PCDHGB1: variants seen among roughly 807,000 people sequenced by gnomAD.
PCDHGB1 encodes the protein protocadherin gamma-B1.
PCDHGB1 carries 34 observed loss-of-function variants against 56.6 expected under a neutral mutation model. That is an observed-to-expected ratio of 0.60 (90% CI 0.46 to 0.80). The LOEUF is 0.80. PCDHGB1 is among the 30% of genes least tolerant of loss of function. The pLI is 0.00. For synonymous variants in PCDHGB1, 561 were observed against 505.9 expected (o/e 1.11, Z -1.46); for missense variants, 1,278 against 1,204.6 (o/e 1.06, Z -0.90).
chr5:141,376,241 C>T (rs755837851), intron 1 of PCDHGB1: 1 of 1,614,118 alleles, frequency 6.2e-7, no homozygotes, highest in East Asian at 2.2e-5. Flanking sequence ...GCAGCGCTGG[C>T]ACAAGTCACG....
intron 1 of PCDHGB1, chr5:141,370,427 AG>A (rs749504882): frequency 1.3e-4 from 212 of 1,590,086 alleles, no homozygotes; most frequent in Non-Finnish European, 1.7e-4. Flanking sequence ...GGGGCCCAGC[AG>A]GGCAGAGGCG....
In PCDHGB1 at chr5:141,489,327, G is replaced by A; in HGVS notation, c.2410-5480G>A. The A allele has an allele frequency of 6.2e-7, 1 of 1,603,940 alleles. No individual in the cohort carries two copies. Among genetic ancestry groups the A allele is most frequent in the South Asian group, 1.1e-5 (1 of 89,400 alleles). ...TGTGCTGCTGGGGCTGGGTGTCTGG[G>A]CAGCTTCGTTACTCAGTGGTGGAGG... is the stretch of plus-strand genomic sequence containing the variant. On this transcript the variant is annotated intron_variant, in intron 1 of 3. Transcript: ENST00000523390. This position sits in a 1 kb window ranked among gnomAD's most constrained non-coding sequence, Gnocchi z 4.5.
intron 1 of PCDHGB1, among the ~76,000 whole-genome samples, chr5:141,481,794 A>C (rs1433830305): frequency 6.6e-6 from 1 of 152,136 alleles, no homozygotes; most frequent in East Asian, 1.9e-4. Context: ...TCTACTAAAA[A>C]TACAAAAATT....
At chr5:141,452,460 G>A (rs750887712) in intron 1 of PCDHGB1, among the ~76,000 whole-genome samples, 1 of 152,140 alleles carries the variant, frequency 6.6e-6, no homozygotes, top group Non-Finnish European at 1.5e-5. Flanking sequence ...GTCAGCAGAC[G>A]GAGCTAGGAA....
Position 141,487,418 on chromosome 5 carries a change from A to T in PCDHGB1, c.2410-7389A>T. ...GGAGGGGCTTCCCCCTTCCAATGGG[A>T]TCCTCCGAATCCAGCTAGGGTCAGA... On this transcript the variant is annotated intron_variant, in intron 1 of 3. Transcript: ENST00000523390. The surrounding 1 kb of genome is among the most constrained non-coding windows in gnomAD (Gnocchi z 5.0). The T allele has an allele frequency of 6.2e-7, 1 of 1,614,060 alleles. No homozygotes were observed. The highest frequency in any genetic ancestry group is 8.5e-7 in the Non-Finnish European group (1 of 1,179,998).
chr5:141,510,032 T>C (rs1410346284), intron 3 of PCDHGB1, among the ~76,000 whole-genome samples: 3 of 152,150 alleles, frequency 2.0e-5, no homozygotes, highest in Non-Finnish European at 4.4e-5. Flanking sequence ...GCTGGGCTGT[T>C]ATGTAGAGGT....
In PCDHGB1 at chr5:141,394,564, G is replaced by C. The variant is rs200338108; in HGVS notation, c.2409+41895G>C. 4.7e-3 allele frequency: 7,544 copies of C among 1,612,816 alleles called. 48 individuals carry two copies. The highest frequency in any genetic ancestry group is 9.5e-3 in the Admixed American group (568 of 59,990). On this transcript the variant is annotated intron_variant, in intron 1 of 3. Transcript: ENST00000523390. Reference sequence around the variant, plus strand: ...GAGCTGGCGCCCCGCTCCGCAGAGCGTGGCTACCTGGTGACCAAGGTGGTG... The same window carrying C: ...GAGCTGGCGCCCCGCTCCGCAGAGCCTGGCTACCTGGTGACCAAGGTGGTG...
At chr5:141,382,809 C>A in intron 1 of PCDHGB1, 1 of 1,143,884 alleles carries the variant, frequency 8.7e-7, no homozygotes, top group Non-Finnish European at 1.2e-6. Context: ...TTCTGAGCTC[C>A]CCTTCCTAAG....
chr5:141,447,181 G>T (rs442221), intron 1 of PCDHGB1, among the ~76,000 whole-genome samples: 1 of 152,338 alleles, frequency 6.6e-6, no homozygotes, highest in Admixed American at 6.5e-5. Context: ...CTCTTGTCGC[G>T]CAGGCTGGAG....
intron 1 of PCDHGB1, chr5:141,410,295 T>G (rs1043971768): frequency 9.3e-6 from 15 of 1,613,864 alleles, no homozygotes; most frequent in Non-Finnish European, 1.3e-5. Context: ...GCCTTGGCCT[T>G]AATCTCAGTG....
intron 1 of PCDHGB1, chr5:141,365,848 C>A: frequency 6.2e-7 from 1 of 1,614,008 alleles, no homozygotes; most frequent in Non-Finnish European, 8.5e-7. Flanking sequence ...CCTATGTATC[C>A]ATTAACTCTG....
chr5:141,422,873 T>C (rs1474438774), intron 1 of PCDHGB1: 1 of 1,614,158 alleles, frequency 6.2e-7, no homozygotes, highest in Admixed American at 1.7e-5. Flanking sequence ...AACGTGTCGC[T>C]GAGCCTGTTC....
Position 141,485,979 on chromosome 5 carries a change from C to T in PCDHGB1, c.2410-8828C>T. ...CTCATCCAGCTCAATGCCTCAGACC[C>T]GGACCTGGGTCCCAGTGGTAACGTC... is the stretch of plus-strand genomic sequence containing the variant. On this transcript the variant is annotated intron_variant, in intron 1 of 3. Coordinates refer to ENST00000523390, the MANE Select transcript of PCDHGB1 (RefSeq NM_018922.3). The surrounding 1 kb of genome is among the most constrained non-coding windows in gnomAD (Gnocchi z 5.7). The T allele has an allele frequency of 1.2e-6, 2 of 1,614,182 alleles. No individual in the cohort carries two copies. The highest frequency in any genetic ancestry group is 1.7e-6 in the Non-Finnish European group (2 of 1,180,022).
At chr5:141,384,755 T>C (rs1780456507) in intron 1 of PCDHGB1, 1 of 1,613,938 alleles carries the variant, frequency 6.2e-7, no homozygotes, top group South Asian at 1.1e-5. Flanking sequence ...CTCTTTGCGG[T>C]TGGGCTGTAC....
In PCDHGB1 at chr5:141,356,423, G is replaced by C. The variant is rs760964193; in HGVS notation, c.2409+3754G>C. 20 of 1,606,564 alleles carry C rather than the reference G, an allele frequency of 1.2e-5. No individual in the cohort carries two copies. The Admixed American group carries it at 2.6e-4, about 21-fold the overall frequency. On this transcript the variant is annotated intron_variant, in intron 1 of 3. Transcript: ENST00000523390. ...AATTATTATCGGTTGTTGACACACA[G>C]AACACTGGACAGGGAAGAAGTCTCA... is the stretch of plus-strand genomic sequence containing the variant.
Position 141,432,632 on chromosome 5 carries a change from G to T in PCDHGB1, c.2410-62175G>T. ...CTTCTCGGTGGGTCTGCACACGGGCGAGGTGCGCACGGCGCGAGCCCTGCT... is the reference window on the plus strand; with the variant it reads ...CTTCTCGGTGGGTCTGCACACGGGCTAGGTGCGCACGGCGCGAGCCCTGCT... On this transcript the variant is annotated intron_variant, in intron 1 of 3. Transcript: ENST00000523390. This position sits in a 1 kb window ranked among gnomAD's most constrained non-coding sequence, Gnocchi z 6.0. The T allele has an allele frequency of 6.2e-7, 1 of 1,612,834 alleles. No homozygotes were observed. Among genetic ancestry groups the T allele is most frequent in the South Asian group, 1.1e-5 (1 of 90,976 alleles).
Position 141,420,043 on chromosome 5 carries a change from G to T in PCDHGB1, c.2409+67374G>T, listed in dbSNP as rs747553514. On this transcript the variant is annotated intron_variant, in intron 1 of 3. Coordinates refer to ENST00000523390, the MANE Select transcript of PCDHGB1 (RefSeq NM_018922.3). ...GCCCTACTGCAGGAGACTGCTTTGAGTCAGTTCTCTGCTCCAAGTCCGGAC... is the reference window on the plus strand; with the variant it reads ...GCCCTACTGCAGGAGACTGCTTTGATTCAGTTCTCTGCTCCAAGTCCGGAC... The T allele has an allele frequency of 1.9e-6, 3 of 1,614,078 alleles. No individual in the cohort carries two copies. In the Admixed American group the frequency reaches 5.0e-5, roughly 27 times the overall value.
At chr5:141,400,756 C>G (rs1220648843) in intron 1 of PCDHGB1, 1 of 584,890 alleles carries the variant, frequency 1.7e-6, no homozygotes, top group African/African-American at 1.9e-5. Context: ...AGCTTCCTCT[C>G]TAGCAAAAAC....
At chr5:141,423,659 A>G in intron 1 of PCDHGB1, 2 of 1,551,038 alleles carry the variant, frequency 1.3e-6, no homozygotes, top group Non-Finnish European at 1.7e-6. Flanking sequence ...ACAAGTAATC[A>G]GGTGAGATTT....
Sources: gnomAD v4.1 joint callset for allele counts (sites outside exome capture counted in the v4.1 genomes callset) on GRCh38, gnomAD v4.1.1 for gene constraint, Gnocchi (gnomAD v3.1) non-coding constraint, MANE v1.5 for transcripts, NCBI Gene and HGNC (gene_info 2026-07-23, HGNC 2026-07-21) for gene names.